SLC47A1: variants seen among roughly 807,000 people sequenced by gnomAD.
The protein encoded by SLC47A1 is solute carrier family 47 member 1.
SLC47A1 carries 58 observed loss-of-function variants against 65.8 expected under a neutral mutation model. The observed-to-expected ratio is 0.88, with a 90% confidence interval of 0.71 to 1.10. The LOEUF (loss-of-function observed/expected upper bound fraction) is 1.10, where lower values mean the gene tolerates loss of function less well. SLC47A1 is among the 50% of genes least tolerant of loss of function. The probability of loss-of-function intolerance (pLI) is 0.00; values close to 1 mark genes in which losing one functional copy is unlikely to be tolerated. For synonymous variants in SLC47A1, 285 were observed against 295.0 expected (o/e 0.97, Z 0.35); for missense variants, 706 against 719.2 (o/e 0.98, Z 0.21).
At chr17:19,559,864 AAAAC>A (rs2084293471) in intron 10 of SLC47A1, among the ~76,000 whole-genome samples, 1 of 152,004 alleles carries the variant, frequency 6.6e-6, no homozygotes, top group African/African-American at 2.4e-5. Flanking sequence ...AAACAAAAAA[AAAAC>A]AGACAAAACC....
intron 12 of SLC47A1, among the ~76,000 whole-genome samples, chr17:19,565,534 T>G (rs1316178623): frequency 6.6e-6 from 1 of 151,958 alleles, no homozygotes; most frequent in Non-Finnish European, 1.5e-5. Context: ...TTGGTTTTGC[T>G]TTCCAAGGTT....
At chr17:19,560,054 T>C (rs887969964) in intron 10 of SLC47A1, 134 bp from the exon 11 acceptor site, 3 of 627,116 alleles carry the variant, frequency 4.8e-6, no homozygotes, top group African/African-American at 3.7e-5. Flanking sequence ...ACAAAGGGGA[T>C]GTTGCAAATC....
At chr17:19,537,207 G>T (rs1435506517) in intron 1 of SLC47A1, among the ~76,000 whole-genome samples, 3 of 152,256 alleles carry the variant, frequency 2.0e-5, no homozygotes, top group Non-Finnish European at 2.9e-5. Flanking sequence ...GTTTCCACTT[G>T]TGTGGGAAGG....
intron 1 of SLC47A1, among the ~76,000 whole-genome samples, chr17:19,541,053 G>A (rs1916134283): frequency 6.6e-6 from 1 of 152,196 alleles, no homozygotes; most frequent in Non-Finnish European, 1.5e-5. Flanking sequence ...TGGCTGCAGA[G>A]CTGGCAGATG....
rs539124093 is a variant in SLC47A1 at position 19,578,387 on chromosome 17, G to T, written c.*834G>T. 218 of 178,552 alleles carry T rather than the reference G, an allele frequency of 1.2e-3. 1 individual carries two copies. Among genetic ancestry groups the T allele is most frequent in the African/African-American group, 4.9e-3 (203 of 41,772 alleles). 11.1% of individuals were successfully genotyped at this position (178,552 alleles called of 1,614,324 possible). A position where few individuals can be genotyped will look rare whatever the true frequency, so the allele number is the denominator to read the frequency against. ...CGCCTAGCTAATTTTTTATACCAGG[G>T]TCTACCCTTTGTTTCCCAGGCTGGT... On this transcript the variant is annotated 3_prime_UTR_variant, in exon 17 of 17. Transcript: ENST00000270570.
intron 10 of SLC47A1, chr17:19,557,951 C>A (rs73981547): frequency 0.013 from 2,972 of 232,976 alleles, 97 homozygotes; most frequent in African/African-American, 0.061. Flanking sequence ...GATTTTATGT[C>A]TTTTGAATAT....
rs200019467 is a variant in SLC47A1, at chr17:19,555,580, C to G, written c.642-13C>G. On this transcript the variant is annotated splice_polypyrimidine_tract_variant and intron_variant, in intron 7 of 16. Coordinates refer to ENST00000270570, the MANE Select transcript of SLC47A1 (RefSeq NM_018242.3). Reference sequence around the variant, plus strand: ...GGAAGGTACCTCCCTCTCATTGGGACTGTTCTTTCCAGAGGCTCTGCACTG... The same window carrying G: ...GGAAGGTACCTCCCTCTCATTGGGAGTGTTCTTTCCAGAGGCTCTGCACTG... 156 of 1,613,322 alleles carry G rather than the reference C, an allele frequency of 9.7e-5. No individual in the cohort carries two copies. In the Middle Eastern group the frequency reaches 1.7e-3, roughly 17 times the overall value.
At chr17:19,554,021 C>T (rs1271204264) in intron 6 of SLC47A1, among the ~76,000 whole-genome samples, 2 of 152,202 alleles carry the variant, frequency 1.3e-5, no homozygotes, top group Non-Finnish European at 2.9e-5. Context: ...ATTGTCCTGG[C>T]CCCATCAGCC....
rs1327612387 is a variant in SLC47A1, at chr17:19,578,088, A to G, written c.*535A>G. On this transcript the variant is annotated 3_prime_UTR_variant, in exon 17 of 17. Coordinates refer to ENST00000270570, the MANE Select transcript of SLC47A1 (RefSeq NM_018242.3). Reference sequence around the variant, plus strand: ...GCCTCGAACTCTTGGGCTTCAAGCAATCCTCCTGTGTCAGCCACCAGAGTA... The same window carrying G: ...GCCTCGAACTCTTGGGCTTCAAGCAGTCCTCCTGTGTCAGCCACCAGAGTA... 8 of 715,712 alleles carry G rather than the reference A, an allele frequency of 1.1e-5. No homozygotes were observed. Among genetic ancestry groups the G allele is most frequent in the East Asian group, 6.5e-5 (1 of 15,458 alleles). The allele number at this position is 715,712 out of a possible 1,614,324, so 44.3% of individuals were successfully genotyped here.
At chr17:19,534,337 C>G (rs1597489776) in intron 1 of SLC47A1, 1 of 402,516 alleles carries the variant, frequency 2.5e-6, no homozygotes, top group East Asian at 4.2e-5. Context: ...CATGTTGGCT[C>G]GGAGAGGCCG....
chr17:19,578,068 G>T lies in SLC47A1; in HGVS notation c.*515G>T. On this transcript the variant is annotated 3_prime_UTR_variant, in exon 17 of 17. Coordinates refer to ENST00000270570, the MANE Select transcript of SLC47A1 (RefSeq NM_018242.3). ...TGCGATCATAGCTCACTGCAGCCTCGAACTCTTGGGCTTCAAGCAATCCTC... is the reference window on the plus strand; with the variant it reads ...TGCGATCATAGCTCACTGCAGCCTCTAACTCTTGGGCTTCAAGCAATCCTC... The T allele has an allele frequency of 1.1e-6, 1 of 884,986 alleles. No individual in the cohort carries two copies. Among genetic ancestry groups the T allele is most frequent in the Non-Finnish European group, 1.6e-6 (1 of 620,356 alleles). The allele number at this position is 884,986 out of a possible 1,614,324, so 54.8% of individuals were successfully genotyped here. A position where few individuals can be genotyped will look rare whatever the true frequency, so the allele number is the denominator to read the frequency against.
At chr17:19,556,143 G>A in intron 10 of SLC47A1, 81 bp downstream of exon 10, 2 of 1,463,956 alleles carry the variant, frequency 1.4e-6, no homozygotes, top group African/African-American at 1.4e-5. Flanking sequence ...ATGAGCACAG[G>A]CATTCGTACA....
At chr17:19,543,442 TTCCCACTCTTGG>T (rs138232929) in intron 2 of SLC47A1, among the ~76,000 whole-genome samples, 2,487 of 152,032 alleles carry the variant, frequency 0.016, 59 homozygotes, top group African/African-American at 0.058. Context: ...ATGGAACTCG[TTCCCACTCTTGG>T]TCCCACAGTT....
chr17:19,574,694 G>T (rs540939265), intron 16 of SLC47A1, among the ~76,000 whole-genome samples: 1 of 151,822 alleles, frequency 6.6e-6, no homozygotes, highest in Non-Finnish European at 1.5e-5. Context: ...GCAGTGGCTC[G>T]TTTTCACTGC....
At chr17:19,561,257 T>G (rs1228889935) in intron 12 of SLC47A1, among the ~76,000 whole-genome samples, 1 of 150,466 alleles carries the variant, frequency 6.6e-6, no homozygotes, top group African/African-American at 2.4e-5. Context: ...AGACTCCATC[T>G]CAAAATTTAA....
intron 2 of SLC47A1, 30 bp from the exon 3 acceptor site, chr17:19,546,405 A>C: frequency 1.2e-6 from 2 of 1,607,540 alleles, no homozygotes; most frequent in Non-Finnish European, 1.7e-6. Context: ...CTTTAACTCT[A>C]TAGGGCCTTA....
chr17:19,552,883 G>T (rs988228588), intron 6 of SLC47A1, among the ~76,000 whole-genome samples: 4 of 152,184 alleles, frequency 2.6e-5, no homozygotes, highest in Non-Finnish European at 5.9e-5. Context: ...GCAGGGCCTT[G>T]TGTTCTCTGC....
At chr17:19,534,984 C>CG (rs1915951816) in intron 1 of SLC47A1, 1 of 152,224 alleles carries the variant, frequency 6.6e-6, no homozygotes, top group Admixed American at 6.6e-5. Flanking sequence ...TGCACCTGCG[C>CG]GGGCTGAGGG....
chr17:19,535,843 C>T (rs1290535902), intron 1 of SLC47A1, among the ~76,000 whole-genome samples: 1 of 152,194 alleles, frequency 6.6e-6, no homozygotes, highest in African/African-American at 2.4e-5. Flanking sequence ...ATTGAAACAG[C>T]CTCCTAACCT....
Sources: gnomAD v4.1 joint callset for allele counts (sites outside exome capture counted in the v4.1 genomes callset) on GRCh38, gnomAD v4.1.1 for gene constraint, MANE v1.5 for transcripts, NCBI Gene and HGNC (gene_info 2026-07-23, HGNC 2026-07-21) for gene names.